The following SPOCK3 variants were observed in gnomAD, a reference collection of about 807,000 sequenced individuals.
SPOCK3 encodes the protein testican-3.
In SPOCK3, 30 loss-of-function variants were observed where a neutral mutation model predicts 56.6. The ratio of observed to expected loss-of-function variants is 0.53; its 90% confidence interval spans 0.40 to 0.72. The LOEUF is 0.72. Among genes scored for constraint, SPOCK3 ranks in the 30% least tolerant of loss-of-function variants. The pLI is 0.00. For synonymous variants in SPOCK3, 196 were observed against 183.3 expected, an observed-to-expected ratio of 1.07 and a Z score of -0.56; for missense variants, 527 against 530.0, an observed-to-expected ratio of 0.99 and a Z score of 0.06.
intron 3 of SPOCK3, among the ~76,000 whole-genome samples, chr4:167,058,551 A>G (rs868848857): frequency 6.6e-6 from 1 of 152,186 alleles, no homozygotes; most frequent in Non-Finnish European, 1.5e-5. Flanking sequence ...GGAAGAATCA[A>G]TATCATGAAA....
chr4:167,029,570 A>G (rs544041960), intron 3 of SPOCK3, among the ~76,000 whole-genome samples: 1 of 152,186 alleles, frequency 6.6e-6, no homozygotes, highest in African/African-American at 2.4e-5. Context: ...GTAGATTGTA[A>G]TTTACTTCCC....
In SPOCK3 at chr4:166,955,458, T is replaced by C. The variant is rs374654308; in HGVS notation, c.351-42715A>G. On this transcript the variant is annotated intron_variant, in intron 4 of 10. Coordinates refer to ENST00000357545, the MANE Select transcript of SPOCK3 (RefSeq NM_001040159.2). ...TAAAATATAGAAATACAAATTATAA[T>C]ATAAATATTATATTATATTTAATTA... 2.7e-5 allele frequency among the ~76,000 whole-genome samples: 4 copies of C among 146,780 alleles called. No individual in the cohort carries two copies. The East Asian group carries it at 5.9e-4, about 21-fold the overall frequency.
At chr4:167,032,064 AAACAGAAAATCTG>A (rs1752329931) in intron 3 of SPOCK3, among the ~76,000 whole-genome samples, 1 of 147,182 alleles carries the variant, frequency 6.8e-6, no homozygotes, top group African/African-American at 2.7e-5. Flanking sequence ...TTCAACAAAT[AAACAGAAAATCTG>A]AATTTAGAAG....
chr4:167,197,578 T>C (rs1275917086), intron 2 of SPOCK3, among the ~76,000 whole-genome samples: 3 of 151,670 alleles, frequency 2.0e-5, no homozygotes, highest in Non-Finnish European at 4.4e-5. Flanking sequence ...TATTTTAAGA[T>C]TGTACTCGAA....
At chr4:167,230,176 A>G (rs1737015306) in intron 2 of SPOCK3, among the ~76,000 whole-genome samples, 1 of 151,964 alleles carries the variant, frequency 6.6e-6, no homozygotes, top group South Asian at 2.1e-4. Flanking sequence ...TCAATAATAG[A>G]TAATTTTGAT....
chr4:167,197,701 A>T (rs1196865912), intron 2 of SPOCK3, among the ~76,000 whole-genome samples: 1 of 152,144 alleles, frequency 6.6e-6, no homozygotes, highest in Non-Finnish European at 1.5e-5. Flanking sequence ...GGTTTGCCCC[A>T]ATTAGCTATT....
intron 4 of SPOCK3, among the ~76,000 whole-genome samples, chr4:166,978,009 C>CTT (rs1420049237): frequency 6.6e-6 from 1 of 152,146 alleles, no homozygotes; most frequent in Non-Finnish European, 1.5e-5. Flanking sequence ...TCCATTGACT[C>CTT]TTTGAAAACA....
intron 6 of SPOCK3, among the ~76,000 whole-genome samples, chr4:166,844,859 C>T (rs933483534): frequency 1.3e-5 from 2 of 152,174 alleles, no homozygotes; most frequent in Non-Finnish European, 1.5e-5. Context: ...GAGTAACTAT[C>T]ATCATTTTTC....
chr4:166,968,509 A>C (rs1402899473), intron 4 of SPOCK3, among the ~76,000 whole-genome samples: 1 of 152,190 alleles, frequency 6.6e-6, no homozygotes, highest in Non-Finnish European at 1.5e-5. Context: ...CAATGACTAA[A>C]CAGACCAAGG....
chr4:167,083,198 T>C (rs372548114), intron 2 of SPOCK3: 7 of 765,026 alleles, frequency 9.2e-6, no homozygotes, highest in Admixed American at 1.7e-5. Flanking sequence ...AGTCATAGAA[T>C]TGCCACAAAA....
At chr4:167,203,016 C>T (rs1733672781) in intron 2 of SPOCK3, among the ~76,000 whole-genome samples, 1 of 151,064 alleles carries the variant, frequency 6.6e-6, no homozygotes, top group Admixed American at 6.6e-5. Context: ...TTGATGCATA[C>T]ACAATTAAAA....
chr4:166,919,628 A>G (rs1438779018), intron 4 of SPOCK3, among the ~76,000 whole-genome samples: 1 of 152,190 alleles, frequency 6.6e-6, no homozygotes. Flanking sequence ...ACACTATTTC[A>G]ATTACTAAAA....
intron 2 of SPOCK3, among the ~76,000 whole-genome samples, chr4:167,089,561 C>A (rs1044294788): frequency 1.3e-5 from 2 of 151,940 alleles, no homozygotes; most frequent in Non-Finnish European, 2.9e-5. Flanking sequence ...ATACACATAT[C>A]CAGTATATTG....
chr4:167,209,148 T>C (rs1267592950), intron 2 of SPOCK3, among the ~76,000 whole-genome samples: 4 of 152,066 alleles, frequency 2.6e-5, no homozygotes, highest in Admixed American at 6.6e-5. Context: ...AAAGGTAAAA[T>C]GGCTTTTGTT....
intron 3 of SPOCK3, among the ~76,000 whole-genome samples, chr4:167,055,687 G>T (rs1489648788): frequency 1.3e-5 from 2 of 152,230 alleles, no homozygotes; most frequent in Non-Finnish European, 2.9e-5. Context: ...CGCCCACGGA[G>T]TCTCACTGAT....
intron 3 of SPOCK3, among the ~76,000 whole-genome samples, chr4:167,008,677 T>C (rs1422319751): frequency 1.3e-5 from 2 of 152,276 alleles, no homozygotes; most frequent in Admixed American, 6.5e-5. Flanking sequence ...AATGAAATCA[T>C]GTCCTTTGCC....
chr4:167,136,095 C>T (rs190251161), intron 2 of SPOCK3, among the ~76,000 whole-genome samples: 60 of 152,128 alleles, frequency 3.9e-4, no homozygotes, highest in Non-Finnish European at 7.5e-4. Context: ...ACAAGCAGTG[C>T]CAGCATCACC....
At chr4:167,203,535 G>T (rs1733722003) in intron 2 of SPOCK3, among the ~76,000 whole-genome samples, 2 of 146,298 alleles carry the variant, frequency 1.4e-5, no homozygotes, top group African/African-American at 5.1e-5. Flanking sequence ...GGAGATCACA[G>T]AAAAGATATT....
intron 6 of SPOCK3, among the ~76,000 whole-genome samples, chr4:166,827,190 T>C (rs1745568829): frequency 6.6e-6 from 1 of 152,092 alleles, no homozygotes; most frequent in Non-Finnish European, 1.5e-5. Context: ...TACCTTTTGA[T>C]AAAGAACCAA....
Sources: allele counts gnomAD v4.1 joint callset (sites outside exome capture counted in the v4.1 genomes callset), GRCh38; gene constraint gnomAD v4.1.1; transcripts MANE v1.5; gene names NCBI Gene and HGNC (gene_info 2026-07-23, HGNC 2026-07-21).